PRR12: variants seen among roughly 807,000 people sequenced by gnomAD.
The protein encoded by PRR12 is proline rich 12, also known as proline-rich protein 12.
A neutral mutation model predicts 138.0 loss-of-function variants in PRR12; 12 were observed. The ratio of observed to expected loss-of-function variants is 0.09; its 90% confidence interval spans 0.06 to 0.14. The LOEUF is 0.14. Among genes scored for constraint, PRR12 ranks in the 10% least tolerant of loss-of-function variants. The pLI, the probability that PRR12 is intolerant of heterozygous loss-of-function variation, is 1.00. For missense variants in PRR12, 2,692 were observed against 2,861.3 expected (o/e 0.94, Z 1.35); for synonymous variants, 1,567 against 1,291.7 (o/e 1.21, Z -4.57).
intron 4 of PRR12, among the ~76,000 whole-genome samples, chr19:49,598,505 C>T (rs2080790891): frequency 2.0e-5 from 3 of 152,122 alleles, no homozygotes; most frequent in African/African-American, 7.2e-5. Context: ...GTCTCACTGA[C>T]AGAAAGACCT....
chr19:49,625,327 A>G lies in PRR12; in HGVS notation c.5964+127A>G. 1.4e-6 allele frequency: 2 copies of G among 1,440,912 alleles called. No homozygotes were observed. The highest frequency in any genetic ancestry group is 3.5e-4 in the Middle Eastern group (2 of 5,698). The allele number at this position is 1,440,912 out of a possible 1,614,324, so 89.3% of individuals were successfully genotyped here. ...AAGAGTTCAGGTCCTTCTGTCTTGG[A>G]CTTAAGAATGCAGCCCCCAGCCCTG... On this transcript the variant is annotated intron_variant, in intron 13 of 13. Coordinates refer to ENST00000418929, the MANE Select transcript of PRR12 (RefSeq NM_020719.3). The surrounding 1 kb of genome is among the most constrained non-coding windows in gnomAD (Gnocchi z 5.5).
chr19:49,619,449 G>C (rs2080909745), intron 9 of PRR12, among the ~76,000 whole-genome samples: 1 of 150,234 alleles, frequency 6.7e-6, no homozygotes, highest in African/African-American at 2.5e-5. Context: ...TGGTCAGGCT[G>C]GTCTCGAACT....
Position 49,615,861 on chromosome 19 carries a change from G to A in PRR12, c.5139G>A (p.Lys1713=), listed in dbSNP as rs753024807. ...PETPEKTTSE[K]PPEQTPETAM... ...CCCCTGAAAAGACGACATCTGAGAA[G>A]CCCCCAGAGCAGACTCCTGAGACGG... The change falls in exon 9 of 14, where the codon AAG becomes AAA. Residue 1713 remains lysine, a synonymous_variant. Transcript: ENST00000418929. The A allele has an allele frequency of 9.4e-6, 15 of 1,600,226 alleles. No individual in the cohort carries two copies. In the Admixed American group the frequency reaches 2.4e-4, roughly 26 times the overall value.
In PRR12 at chr19:49,619,715, A is replaced by G. The variant is rs144575973; in HGVS notation, c.5498-637A>G. On this transcript the variant is annotated intron_variant, in intron 9 of 13. Coordinates refer to ENST00000418929, the MANE Select transcript of PRR12 (RefSeq NM_020719.3). The stretch of plus-strand genomic sequence containing the variant: ...CACCACCATGCCCGGCTAATTTTGT[A>G]TTTCTTAGTAGAGACGGGGTTTCTC... Among the ~76,000 whole-genome samples the G allele has an allele frequency of 9.9e-3, 1,297 of 131,466 alleles. 10 individuals are homozygous for G. The highest frequency in any genetic ancestry group is 0.016 in the Non-Finnish European group (966 of 62,098). The allele number at this position is 131,466 out of a possible 152,430, so 86.2% of individuals were successfully genotyped here.
rs370690164 is a variant in PRR12, at chr19:49,597,586, G to A, written c.3251G>A (p.Arg1084His). 1.4e-5 allele frequency: 23 copies of A among 1,607,014 alleles called. No individual in the cohort carries two copies. The African/African-American group carries it at 1.6e-4, about 11-fold the overall frequency. The part of the protein sequence containing the change: ...KTSSFHLLRR[R>H]DPPFQTPKKL... The stretch of plus-strand genomic sequence containing the variant: ...TCCTCCTTCCACCTGCTGCGGCGCC[G>A]CGACCCACCCTTCCAGACCCCCAAG... Residue 1084 changes from arginine (R) to histidine (H), a missense_variant, in exon 4 of 14, where the codon CGC becomes CAC. By Grantham distance (29) the Arg-to-His change is conservative. Coordinates refer to ENST00000418929, the MANE Select transcript of PRR12 (RefSeq NM_020719.3). The surrounding 1 kb of genome is among the most constrained non-coding windows in gnomAD (Gnocchi z 6.3).
Position 49,622,908 on chromosome 19 carries a change from C to CATATAT in PRR12, c.5721+1302_5721+1307dup, listed in dbSNP as rs61466559. Among the ~76,000 whole-genome samples the CATATAT allele has an allele frequency of 7.5e-3, 732 of 97,104 alleles. 13 individuals are homozygous for CATATAT. The highest frequency in any genetic ancestry group is 0.019 in the Middle Eastern group (3 of 162). 63.7% of individuals were successfully genotyped at this position (97,104 alleles called of 152,430 possible). A position where few individuals can be genotyped will look rare whatever the true frequency, so the allele number is the denominator to read the frequency against. On this transcript the variant is annotated intron_variant, in intron 11 of 13. Coordinates refer to ENST00000418929, the MANE Select transcript of PRR12 (RefSeq NM_020719.3). ...CTCTGTCTCAAAAAAAAAACAAAAACATATATATATATATATATATAGAGA... is the reference window on the plus strand; with the variant it reads ...CTCTGTCTCAAAAAAAAAACAAAAACATATATATATATATATATATATATATAGAGA...
intron 6 of PRR12, among the ~76,000 whole-genome samples, chr19:49,605,870 C>T (rs933172328): frequency 2.0e-5 from 3 of 152,258 alleles, no homozygotes; most frequent in Admixed American, 6.5e-5. Context: ...CAAAGCCCCA[C>T]GCCTTTGCCA....
chr19:49,600,047 G>T (rs1233781742), intron 5 of PRR12, 109 bp downstream of exon 5: 6 of 1,204,960 alleles, frequency 5.0e-6, no homozygotes, highest in Non-Finnish European at 6.8e-6. Flanking sequence ...CACATACATG[G>T]TGTAAGCTTG....
chr19:49,621,439 T>C lies in PRR12; in HGVS notation c.5624-86T>C, dbSNP rs563252533. The C allele has an allele frequency of 1.5e-5, 16 of 1,062,664 alleles. No homozygotes were observed. The African/African-American group carries it at 1.7e-4, about 12-fold the overall frequency. 65.8% of individuals were successfully genotyped at this position (1,062,664 alleles called of 1,614,324 possible). A position where few individuals can be genotyped will look rare whatever the true frequency, so the allele number is the denominator to read the frequency against. ...TTTTGTCTCTGAGTGGGAAGGGGAT[T>C]TGGGGACCCAGACTCCATGACCCCA... On this transcript the variant is annotated intron_variant, in intron 10 of 13. Transcript: ENST00000418929.
chr19:49,616,336 A>G lies in PRR12; in HGVS notation c.5497+117A>G. The G allele has an allele frequency of 1.1e-6, 1 of 913,712 alleles. No homozygotes were observed. The highest frequency in any genetic ancestry group is 1.9e-5 in the South Asian group (1 of 51,328). 56.6% of individuals were successfully genotyped at this position (913,712 alleles called of 1,614,324 possible). On this transcript the variant is annotated intron_variant, in intron 9 of 13. Transcript: ENST00000418929. The surrounding 1 kb of genome is among the most constrained non-coding windows in gnomAD (Gnocchi z 4.2). ...GACAGTAAGAACCAGTATGTTACAG[A>G]TAATGGCAGTAGCTCACAGTCACGG...
intron 6 of PRR12, among the ~76,000 whole-genome samples, chr19:49,610,032 T>A (rs2080857941): frequency 6.6e-6 from 1 of 151,806 alleles, no homozygotes; most frequent in African/African-American, 2.4e-5. Flanking sequence ...TGGAGTGCGA[T>A]GGCGCGATCT....
chr19:49,595,832 G>C lies in PRR12; in HGVS notation c.1497G>C (p.Pro499=), dbSNP rs374445880. Residue 499 remains proline (P), a synonymous_variant, in exon 4 of 14, where the codon CCG becomes CCC. Transcript: ENST00000418929. The stretch of plus-strand genomic sequence containing the variant: ...TGGCCACATGTCAGAGCTACTCCCC[G>C]GACCAGCTGCAGGGGCAGCTGTATG... ...PGLATCQSYS[P]DQLQGQLYGV... The C allele has an allele frequency of 1.9e-6, 3 of 1,599,840 alleles. No homozygotes were observed. In the South Asian group the frequency reaches 3.3e-5, roughly 18 times the overall value.
In PRR12 at chr19:49,625,125, A is replaced by C; in HGVS notation, c.5889A>C (p.Glu1963Asp). 6.2e-7 allele frequency: 1 copy of C among 1,613,700 alleles called. No individual in the cohort carries two copies. Among genetic ancestry groups the C allele is most frequent in the Non-Finnish European group, 8.5e-7 (1 of 1,179,738 alleles). The stretch of plus-strand genomic sequence containing the variant: ...CCCAGGAGTTCAAGGTTGAGCTGGA[A>C]AAGTCGGGATACTATACACTCTACC... ...VRAQEFKVEL[E>D]KSGYYTLYHS... The change falls in exon 13 of 14, where the codon GAA becomes GAC. Residue 1963 changes from glutamate (E) to aspartate (D), a missense_variant. Transcript: ENST00000418929. This position sits in a 1 kb window ranked among gnomAD's most constrained non-coding sequence, Gnocchi z 5.5.
At chr19:49,622,287 A>G (rs1239273517) in intron 11 of PRR12, among the ~76,000 whole-genome samples, 1 of 152,144 alleles carries the variant, frequency 6.6e-6, no homozygotes, top group Non-Finnish European at 1.5e-5. Flanking sequence ...AGTCTTAGAA[A>G]ATACGCAGGA....
chr19:49,600,839 C>T (rs1186691581), intron 5 of PRR12, among the ~76,000 whole-genome samples: 1 of 152,114 alleles, frequency 6.6e-6, no homozygotes, highest in Admixed American at 6.6e-5. Flanking sequence ...ATTCTCCTGC[C>T]TCAGCCTCCC....
chr19:49,615,216 C>CAG (rs1318438228), intron 8 of PRR12, among the ~76,000 whole-genome samples: 4 of 140,382 alleles, frequency 2.8e-5, no homozygotes. Context: ...AGGAGGGGAA[C>CAG]AGAGACCCAG....
chr19:49,605,168 G>A (rs1178852283), intron 6 of PRR12, among the ~76,000 whole-genome samples: 1 of 151,532 alleles, frequency 6.6e-6, no homozygotes, highest in African/African-American at 2.4e-5. Context: ...ATTTCATAGA[G>A]AAAGAAACCA....
chr19:49,599,162 A>G lies in PRR12; in HGVS notation c.3679-110A>G. The G allele has an allele frequency of 1.8e-6, 2 of 1,085,830 alleles. No individual in the cohort carries two copies. Among genetic ancestry groups the G allele is most frequent in the Non-Finnish European group, 2.6e-6 (2 of 783,406 alleles). The allele number at this position is 1,085,830 out of a possible 1,614,324, so 67.3% of individuals were successfully genotyped here. ...CAAGGGGTCTGCAGGTTTGAATTCT[A>G]TAAATTCACAGGCTGAGCACCTGTA... On this transcript the variant is annotated intron_variant, in intron 4 of 13. Coordinates refer to ENST00000418929, the MANE Select transcript of PRR12 (RefSeq NM_020719.3). This position sits in a 1 kb window ranked among gnomAD's most constrained non-coding sequence, Gnocchi z 5.0.
intron 8 of PRR12, 67 bp from the exon 9 acceptor site, chr19:49,615,680 G>A (rs2080888376): frequency 7.4e-7 from 1 of 1,358,696 alleles, no homozygotes; most frequent in African/African-American, 1.4e-5. Context: ...GCACTGAGCA[G>A]GGACCCTGAG....
Sources: gnomAD v4.1 joint callset for allele counts (sites outside exome capture counted in the v4.1 genomes callset) on GRCh38, gnomAD v4.1.1 for gene constraint, Gnocchi (gnomAD v3.1) non-coding constraint, MANE v1.5 for transcripts, NCBI Gene and HGNC (gene_info 2026-07-23, HGNC 2026-07-21) for gene names.